Variants in DLGAP2 observed in about 807,000 individuals in gnomAD.
The protein encoded by DLGAP2 is disks large-associated protein 2.
Under a neutral mutation model 100.3 loss-of-function variants are expected in DLGAP2, and 26 were observed. The observed-to-expected ratio is 0.26, with a 90% CI of 0.19 to 0.36. DLGAP2 has a LOEUF of 0.36. Among genes scored for constraint, DLGAP2 ranks in the 10% least tolerant of loss-of-function variants. The probability of loss-of-function intolerance (pLI) is 1.00; values close to 1 mark genes in which losing one functional copy is unlikely to be tolerated. For synonymous variants in DLGAP2, 886 were observed against 630.1 expected, an observed-to-expected ratio of 1.41 and a Z score of -6.08; for missense variants, 1,858 against 1,453.2, an observed-to-expected ratio of 1.28 and a Z score of -4.53.
rs114078039 is a variant in DLGAP2 at position 1,189,245 on chromosome 8, A to T, written c.74-69606A>T. Among the ~76,000 whole-genome samples, 11 of 123,056 alleles carry T rather than the reference A, an allele frequency of 8.9e-5. 2 individuals carry two copies. Among genetic ancestry groups the T allele is most frequent in the African/African-American group, 6.4e-4 (11 of 17,210 alleles). 80.7% of individuals were successfully genotyped at this position (123,056 alleles called of 152,430 possible). ...GCCGGTTCCGCGGTTGGGGTTGAGC[A>T]TACACAGGGTTCGGGCCCCAGCGGG... On this transcript the variant is annotated intron_variant, in intron 2 of 14. Coordinates refer to ENST00000637795, the MANE Select transcript of DLGAP2 (RefSeq NM_001346810.2).
At chr8:1,649,635 T>C (rs1219078440) in intron 8 of DLGAP2, among the ~76,000 whole-genome samples, 1 of 152,188 alleles carries the variant, frequency 6.6e-6, no homozygotes, top group East Asian at 1.9e-4. Context: ...CAACAAAATA[T>C]AGTAAGGAAA....
intron 1 of DLGAP2, among the ~76,000 whole-genome samples, chr8:828,219 A>G (rs1418532287): frequency 6.6e-6 from 1 of 152,174 alleles, no homozygotes; most frequent in Non-Finnish European, 1.5e-5. Context: ...TCTGACCAAA[A>G]TTTATTAGGC....
intron 2 of DLGAP2, among the ~76,000 whole-genome samples, chr8:1,122,281 G>T (rs920210395): frequency 2.0e-5 from 3 of 152,148 alleles, no homozygotes; most frequent in Non-Finnish European, 2.9e-5. Flanking sequence ...TTCATGACAC[G>T]CACAGGTTTT....
At chr8:1,678,043 A>AT (rs1409905202) in intron 11 of DLGAP2, among the ~76,000 whole-genome samples, 171 bp from the exon 12 acceptor site, 1 of 152,228 alleles carries the variant, frequency 6.6e-6, no homozygotes, top group Non-Finnish European at 1.5e-5. Flanking sequence ...GCAAAACCAA[A>AT]TGTTCTTCCA....
intron 2 of DLGAP2, among the ~76,000 whole-genome samples, chr8:1,140,971 A>G (rs1205687169): frequency 1.3e-5 from 2 of 152,214 alleles, no homozygotes; most frequent in Admixed American, 6.5e-5. Context: ...TGACAGGGCA[A>G]GACTCTGTCT....
chr8:1,664,136 T>G (rs1417953934), intron 8 of DLGAP2, among the ~76,000 whole-genome samples: 2 of 152,212 alleles, frequency 1.3e-5, no homozygotes, highest in Non-Finnish European at 2.9e-5. Context: ...AGCATCAGCA[T>G]TTCTGTAGGA....
chr8:794,693 A>G (rs576178557), intron 1 of DLGAP2, among the ~76,000 whole-genome samples: 18 of 152,314 alleles, frequency 1.2e-4, no homozygotes, highest in Middle Eastern at 3.4e-3. Flanking sequence ...CATTATGAAT[A>G]TGTTACAGTG....
At position 1,666,381 on chromosome 8, in the gene DLGAP2, A is replaced by G. The variant is rs146760416; in HGVS notation, c.1811-1948A>G. On this transcript the variant is annotated intron_variant, in intron 8 of 14. Coordinates refer to ENST00000637795, the MANE Select transcript of DLGAP2 (RefSeq NM_001346810.2). ...TCCAATGCATGCTTTTTACAAATGT[A>G]TCCACTTTGGGCTGGATGTGGTGGC... Among the ~76,000 whole-genome samples the G allele has an allele frequency of 3.8e-3, 574 of 152,316 alleles. 5 individuals carry two copies. Among genetic ancestry groups the G allele is most frequent in the African/African-American group, 0.013 (536 of 41,572 alleles).
intron 1 of DLGAP2, among the ~76,000 whole-genome samples, chr8:861,708 G>A (rs1390677578): frequency 6.6e-6 from 1 of 152,214 alleles, no homozygotes; most frequent in Non-Finnish European, 1.5e-5. Flanking sequence ...TATGGCGGTT[G>A]CAAACCTGGC....
At chr8:1,200,254 C>A (rs1022731519) in intron 2 of DLGAP2, among the ~76,000 whole-genome samples, 2 of 152,216 alleles carry the variant, frequency 1.3e-5, no homozygotes, top group South Asian at 2.1e-4. Flanking sequence ...CTGCCTCTTT[C>A]CCCATCGAGG....
chr8:1,073,010 T>C (rs1440076810), intron 2 of DLGAP2, among the ~76,000 whole-genome samples: 1 of 152,076 alleles, frequency 6.6e-6, no homozygotes, highest in Non-Finnish European at 1.5e-5. Context: ...TCCCCATTTG[T>C]ACCTCTCATT....
chr8:1,124,020 A>C (rs1479255156), intron 2 of DLGAP2, among the ~76,000 whole-genome samples: 1 of 151,668 alleles, frequency 6.6e-6, no homozygotes, highest in Non-Finnish European at 1.5e-5. Context: ...GGTATTCTTA[A>C]AAAAAATTCA....
intron 2 of DLGAP2, among the ~76,000 whole-genome samples, chr8:1,181,712 G>A (rs913109439): frequency 2.0e-5 from 3 of 152,112 alleles, no homozygotes; most frequent in African/African-American, 4.8e-5. Context: ...AACAAACGAT[G>A]GGAAGAATGT....
At chr8:1,205,515 C>G (rs1797971222) in intron 2 of DLGAP2, among the ~76,000 whole-genome samples, 1 of 152,166 alleles carries the variant, frequency 6.6e-6, no homozygotes, top group African/African-American at 2.4e-5. Flanking sequence ...TCTGTGGCCA[C>G]CGATTAATTC....
At chr8:1,694,303 G>C (rs749599284) in intron 13 of DLGAP2, among the ~76,000 whole-genome samples, 41 of 152,286 alleles carry the variant, frequency 2.7e-4, no homozygotes, top group South Asian at 6.2e-4. Context: ...GCTCATCAAA[G>C]CCAAATGGTC....
intron 3 of DLGAP2, among the ~76,000 whole-genome samples, chr8:1,494,972 G>A (rs754442064): frequency 1.3e-5 from 2 of 152,206 alleles, no homozygotes; most frequent in Non-Finnish European, 2.9e-5. Context: ...GTGTTAGAGT[G>A]AGGTCCCGAG....
intron 2 of DLGAP2, among the ~76,000 whole-genome samples, chr8:1,143,432 G>A (rs6985736): frequency 0.86 from 131,423 of 152,162 alleles, 56,862 homozygotes; most frequent in Middle Eastern, 0.89. Flanking sequence ...TTGGTTCCAC[G>A]GTTTCTTTCC....
At chr8:1,127,406 A>G (rs985601116) in intron 2 of DLGAP2, among the ~76,000 whole-genome samples, 1 of 151,992 alleles carries the variant, frequency 6.6e-6, no homozygotes, top group Non-Finnish European at 1.5e-5. Context: ...ATTCACGTGT[A>G]GAGGTCCCTT....
chr8:1,352,368 C>A (rs1235745672), intron 3 of DLGAP2, among the ~76,000 whole-genome samples: 1 of 152,036 alleles, frequency 6.6e-6, no homozygotes, highest in Non-Finnish European at 1.5e-5. Flanking sequence ...AGCGACTCCC[C>A]CTGGGGCTTC....
Sources: gnomAD v4.1 joint callset for allele counts (sites outside exome capture counted in the v4.1 genomes callset) on GRCh38, gnomAD v4.1.1 for gene constraint, MANE v1.5 for transcripts, NCBI Gene and HGNC (gene_info 2026-07-23, HGNC 2026-07-21) for gene names.